The following DAB1 variants were observed in gnomAD, a reference collection of about 807,000 sequenced individuals.
The protein encoded by DAB1 is DAB adaptor protein 1.
Under a neutral mutation model 64.6 loss-of-function variants are expected in DAB1, and 15 were observed. The observed-to-expected ratio is 0.23, with a 90% CI of 0.16 to 0.36. The LOEUF (loss-of-function observed/expected upper bound fraction) is 0.36, where lower values mean the gene tolerates loss of function less well. DAB1 is among the 10% of genes least tolerant of loss of function. The pLI, the probability that DAB1 is intolerant of heterozygous loss-of-function variation, is 1.00. For missense variants in DAB1, 596 were observed against 706.7 expected, an observed-to-expected ratio of 0.84 and a Z score of 1.78; for synonymous variants, 235 against 251.9, an observed-to-expected ratio of 0.93 and a Z score of 0.64.
intron 7 of DAB1, among the ~76,000 whole-genome samples, chr1:57,478,387 G>A (rs1643965684): frequency 6.6e-6 from 1 of 152,012 alleles, no homozygotes; most frequent in Non-Finnish European, 1.5e-5. Flanking sequence ...AGGCTACTTT[G>A]TTAATGAAAT....
At chr1:58,480,240 C>T (rs1181974486) in intron 3 of DAB1, among the ~76,000 whole-genome samples, 1 of 152,068 alleles carries the variant, frequency 6.6e-6, no homozygotes, top group Non-Finnish European at 1.5e-5. Flanking sequence ...CAGTGCCTTG[C>T]CTTTGCCTCT....
chr1:57,034,150 G>A (rs1647055655), intron 9 of DAB1, among the ~76,000 whole-genome samples: 1 of 151,936 alleles, frequency 6.6e-6, no homozygotes, highest in Non-Finnish European at 1.5e-5. Context: ...CGTGATGGCA[G>A]GCGCCTGTAA....
At chr1:57,321,066 T>C (rs2100764624) in intron 1 of DAB1, among the ~76,000 whole-genome samples, 1 of 152,208 alleles carries the variant, frequency 6.6e-6, no homozygotes, top group Non-Finnish European at 1.5e-5. Flanking sequence ...GAAACGAAGG[T>C]ATACAAAGGT....
chr1:57,274,314 T>C (rs1052230147), intron 2 of DAB1, among the ~76,000 whole-genome samples: 1 of 152,184 alleles, frequency 6.6e-6, no homozygotes, highest in Non-Finnish European at 1.5e-5. Flanking sequence ...GCTAGTGTGG[T>C]AGACAATGTT....
At chr1:57,409,548 C>T (rs1030103082) in intron 1 of DAB1, among the ~76,000 whole-genome samples, 1 of 152,164 alleles carries the variant, frequency 6.6e-6, no homozygotes, top group African/African-American at 2.4e-5. Context: ...TGGTGGCTCA[C>T]GCTTGTAATC....
At chr1:58,113,226 A>AAGGAG (rs972967696) in intron 5 of DAB1, among the ~76,000 whole-genome samples, 2 of 152,126 alleles carry the variant, frequency 1.3e-5, no homozygotes, top group African/African-American at 4.8e-5. Flanking sequence ...AGGATTTTGC[A>AAGGAG]AGGAGATGAG....
intron 7 of DAB1, among the ~76,000 whole-genome samples, chr1:57,612,218 T>TGTGTGTGTGTGTGC (rs952589739): frequency 3.5e-4 from 53 of 151,728 alleles, no homozygotes; most frequent in African/African-American, 1.2e-3. Context: ...TGTGTGTGTG[T>TGTGTGTGTGTGTGC]GCATGTGTGT....
chr1:57,496,219 C>T (rs865808864), intron 7 of DAB1, among the ~76,000 whole-genome samples: 1 of 152,126 alleles, frequency 6.6e-6, no homozygotes, highest in African/African-American at 2.4e-5. Context: ...GAGCTCCTTA[C>T]CTCCCCACCC....
intron 5 of DAB1, among the ~76,000 whole-genome samples, chr1:58,149,319 T>C (rs914103410): frequency 6.6e-6 from 1 of 152,146 alleles, no homozygotes; most frequent in African/African-American, 2.4e-5. Flanking sequence ...TATTATCATA[T>C]AATTATAACT....
At chr1:57,361,775 C>G (rs1227054295) in intron 1 of DAB1, among the ~76,000 whole-genome samples, 1 of 152,104 alleles carries the variant, frequency 6.6e-6, no homozygotes, top group Admixed American at 6.6e-5. Flanking sequence ...GAGAACTAAA[C>G]AGAGCTGCAT....
intron 6 of DAB1, among the ~76,000 whole-genome samples, chr1:57,787,878 A>G (rs1013824447): frequency 6.6e-6 from 1 of 152,158 alleles, no homozygotes; most frequent in Non-Finnish European, 1.5e-5. Flanking sequence ...CATCAGAAAA[A>G]GATGAGAATA....
At chr1:58,045,998 G>C (rs981998410) in intron 5 of DAB1, among the ~76,000 whole-genome samples, 25 of 151,034 alleles carry the variant, frequency 1.7e-4, no homozygotes, top group African/African-American at 4.6e-4. Flanking sequence ...AAATTTTCAG[G>C]GTTTTAAGGT....
chr1:57,117,831 G>T (rs2100742835), intron 4 of DAB1, among the ~76,000 whole-genome samples: 1 of 151,570 alleles, frequency 6.6e-6, no homozygotes, highest in Non-Finnish European at 1.5e-5. Flanking sequence ...CTTCCCTTCT[G>T]GTCCTAGTTA....
intron 2 of DAB1, among the ~76,000 whole-genome samples, chr1:57,272,287 T>C (rs1671075201): frequency 6.6e-6 from 1 of 152,220 alleles, no homozygotes; most frequent in Non-Finnish European, 1.5e-5. Context: ...AGTGTTGAGC[T>C]GTAACTTCTT....
intron 6 of DAB1, among the ~76,000 whole-genome samples, chr1:57,687,290 A>G (rs1463817579): frequency 6.6e-6 from 1 of 152,124 alleles, no homozygotes; most frequent in East Asian, 1.9e-4. Flanking sequence ...CCCATTTACA[A>G]TAGCCATAAA....
At chr1:58,129,975 C>A (rs1338511217) in intron 5 of DAB1, among the ~76,000 whole-genome samples, 29 of 144,858 alleles carry the variant, frequency 2.0e-4, no homozygotes, top group African/African-American at 5.9e-4. Flanking sequence ...TATTAGGTCC[C>A]CTTGGTGCAG....
At chr1:57,776,828 T>C (rs1649823429) in intron 6 of DAB1, among the ~76,000 whole-genome samples, 1 of 151,860 alleles carries the variant, frequency 6.6e-6, no homozygotes, top group African/African-American at 2.4e-5. Flanking sequence ...CTTTAAATGG[T>C]TTATTTTTTT....
intron 6 of DAB1, among the ~76,000 whole-genome samples, chr1:57,819,852 GA>G (rs1350682204): frequency 6.6e-6 from 1 of 152,104 alleles, no homozygotes; most frequent in Non-Finnish European, 1.5e-5. Flanking sequence ...CTCCCTAGGA[GA>G]AAAAAACTCA....
chr1:58,485,591 T>A (rs995664561), intron 3 of DAB1, among the ~76,000 whole-genome samples: 5 of 152,120 alleles, frequency 3.3e-5, no homozygotes, highest in African/African-American at 1.2e-4. Flanking sequence ...GATGTCTTGG[T>A]AACTTATTTT....
Sources: allele counts gnomAD v4.1 joint callset (sites outside exome capture counted in the v4.1 genomes callset), GRCh38; gene constraint gnomAD v4.1.1; transcripts MANE v1.5; gene names NCBI Gene and HGNC (gene_info 2026-07-23, HGNC 2026-07-21).